Variants in MC1R observed in about 807,000 individuals in gnomAD.
MC1R encodes melanocyte-stimulating hormone receptor.
For missense variants in MC1R, 542 were observed against 430.0 expected, an observed-to-expected ratio of 1.26 and a Z score of -2.30; for synonymous variants, 263 against 203.8, an observed-to-expected ratio of 1.29 and a Z score of -2.47.
chr16:89,920,217 G>A lies in MC1R; in HGVS notation c.*5G>A, dbSNP rs1392191111. ...GTGCTGACATGCTCCTGGTGAGCGC[G>A]GTGCACGCGGCTTTAAGTGTGCTGG... is the stretch of plus-strand genomic sequence containing the variant. On this transcript the variant is annotated 3_prime_UTR_variant, in exon 1 of 1. Coordinates refer to ENST00000555147, the MANE Select transcript of MC1R (RefSeq NM_002386.4). The A allele has an allele frequency of 5.6e-6, 9 of 1,608,994 alleles. No individual in the cohort carries two copies. The highest frequency in any genetic ancestry group is 4.0e-5 in the African/African-American group (3 of 74,766).
Position 89,920,454 on chromosome 16 carries a change from A to G in MC1R, c.*242A>G, listed in dbSNP as rs1332535147. 1.1e-5 allele frequency: 7 copies of G among 618,046 alleles called. No individual in the cohort carries two copies. The highest frequency in any genetic ancestry group is 1.8e-5 in the Non-Finnish European group (6 of 340,394). 38.3% of individuals were successfully genotyped at this position (618,046 alleles called of 1,614,324 possible). On this transcript the variant is annotated 3_prime_UTR_variant, in exon 1 of 1. Transcript: ENST00000555147. ...GTGGGGAACGGAGGAGGACATGGGGAGGTTGTGGGGCCTCAGGCTCCGGGC... is the reference window on the plus strand; with the variant it reads ...GTGGGGAACGGAGGAGGACATGGGGGGGTTGTGGGGCCTCAGGCTCCGGGC...
Position 89,919,115 on chromosome 16 carries a change from G to A in MC1R, c.-144G>A. ...GGGAGAGGGTGTGAGGGCAGATCTG[G>A]GGGTGCCCAGATGGAAGGAGGCAGG... On this transcript the variant is annotated 5_prime_UTR_variant, in exon 1 of 1. Coordinates refer to ENST00000555147, the MANE Select transcript of MC1R (RefSeq NM_002386.4). 1 of 631,234 alleles carries A rather than the reference G, an allele frequency of 1.6e-6. No homozygotes were observed. The highest frequency in any genetic ancestry group is 2.0e-5 in the South Asian group (1 of 49,982). 39.1% of individuals were successfully genotyped at this position (631,234 alleles called of 1,614,324 possible). A position where few individuals can be genotyped will look rare whatever the true frequency, so the allele number is the denominator to read the frequency against.
In MC1R at chr16:89,919,257, C is replaced by T. The variant is rs751851408; in HGVS notation, c.-2C>T. ...ACTCCTTCCTGCTTCCTGGACAGGACTATGGCTGTGCAGGGATCCCAGAGA... is the reference window on the plus strand; with the variant it reads ...ACTCCTTCCTGCTTCCTGGACAGGATTATGGCTGTGCAGGGATCCCAGAGA... On this transcript the variant is annotated 5_prime_UTR_variant, in exon 1 of 1. Coordinates refer to ENST00000555147, the MANE Select transcript of MC1R (RefSeq NM_002386.4). The T allele has an allele frequency of 1.6e-5, 25 of 1,557,050 alleles. No homozygotes were observed. Among genetic ancestry groups the T allele is most frequent in the Non-Finnish European group, 2.1e-5 (24 of 1,149,068 alleles).
At position 89,919,899 on chromosome 16, in the gene MC1R, C is replaced by T. The variant is rs1199965214; in HGVS notation, c.641C>T (p.Ala214Val). 2 of 1,607,290 alleles carry T rather than the reference C, an allele frequency of 1.2e-6. No homozygotes were observed. Among genetic ancestry groups the T allele is most frequent in the African/African-American group, 2.7e-5 (2 of 75,044 alleles). The change falls in exon 1 of 1, where the codon GCC becomes GTC. Residue 214 changes from alanine to valine, a missense_variant. Physicochemically the swap from Ala to Val is moderately conservative, Grantham distance 64. Transcript: ENST00000555147. ...CTGTACGTCCACATGCTGGCCCGGG[C>T]CTGCCAGCACGCCCAGGGCATCGCC... ...AVLYVHMLAR[A>V]CQHAQGIARL... is the part of the protein sequence containing the mutation.
rs1364777539 is a variant in MC1R at position 89,919,349 on chromosome 16, A to G, written c.91A>G (p.Thr31Ala). Reference sequence around the variant, plus strand: ...CCAGCTGGGGCTGGCTGCCAACCAGACAGGAGCCCGGTGCCTGGAGGTGTC... The same window carrying G: ...CCAGCTGGGGCTGGCTGCCAACCAGGCAGGAGCCCGGTGCCTGGAGGTGTC... ...IPQLGLAANQ[T>A]GARCLEVSIS... The change falls in exon 1 of 1, where the codon ACA becomes GCA. Residue 31 changes from threonine to alanine, a missense_variant. Physicochemically the swap from Thr to Ala is moderately conservative, Grantham distance 58. Coordinates refer to ENST00000555147, the MANE Select transcript of MC1R (RefSeq NM_002386.4). 2 of 1,612,980 alleles carry G rather than the reference A, an allele frequency of 1.2e-6. No individual in the cohort carries two copies. Among genetic ancestry groups the G allele is most frequent in the Admixed American group, 3.3e-5 (2 of 59,966 alleles).
In MC1R at chr16:89,919,264, T is replaced by C. The variant is rs922216916; in HGVS notation, c.6T>C (p.Ala2=). 1.9e-6 allele frequency: 3 copies of C among 1,569,072 alleles called. No homozygotes were observed. In the African/African-American group the frequency reaches 4.1e-5, roughly 21 times the overall value. ...CCTGCTTCCTGGACAGGACTATGGC[T>C]GTGCAGGGATCCCAGAGAAGACTTC... is the stretch of plus-strand genomic sequence containing the variant. The part of the protein sequence containing the change: M[A]VQGSQRRLLG... Residue 2 remains alanine, a synonymous_variant, in exon 1 of 1, where the codon GCT becomes GCC. Coordinates refer to ENST00000555147, the MANE Select transcript of MC1R (RefSeq NM_002386.4).
At position 89,919,498 on chromosome 16, in the gene MC1R, G is replaced by T; in HGVS notation, c.240G>T (p.Leu80=). The T allele has an allele frequency of 6.2e-7, 1 of 1,613,226 alleles. No homozygotes were observed. ...CCATGTACTGCTTCATCTGCTGCCT[G>T]GCCTTGTCGGACCTGCTGGTGAGCG... ...HSPMYCFICC[L]ALSDLLVSGS... is the part of the protein sequence containing the mutation. The change falls in exon 1 of 1, where the codon CTG becomes CTT. Residue 80 remains leucine (L), a synonymous_variant. Coordinates refer to ENST00000555147, the MANE Select transcript of MC1R (RefSeq NM_002386.4).
rs1207389699 is a variant in MC1R, at chr16:89,919,613, G to A, written c.355G>A (p.Val119Ile). 6.2e-7 allele frequency: 1 copy of A among 1,608,208 alleles called. No individual in the cohort carries two copies. Among genetic ancestry groups the A allele is most frequent in the Non-Finnish European group, 8.5e-7 (1 of 1,179,804 alleles). ...TGCGGTGCTGCAGCAGCTGGACAAT[G>A]TCATTGACGTGATCACCTGCAGCTC... ...RAAVLQQLDN[V>I]IDVITCSSML... The change falls in exon 1 of 1, where the codon GTC becomes ATC. Residue 119 changes from valine (V) to isoleucine (I), a missense_variant. By Grantham distance (29) the Val-to-Ile change is conservative. Transcript: ENST00000555147.
rs926324042 is a variant in MC1R at position 89,920,354 on chromosome 16, T to C, written c.*142T>C. The C allele has an allele frequency of 1.3e-6, 1 of 742,668 alleles. No individual in the cohort carries two copies. The highest frequency in any genetic ancestry group is 2.6e-5 in the Admixed American group (1 of 38,372). 46.0% of individuals were successfully genotyped at this position (742,668 alleles called of 1,614,324 possible). ...GGATGGACTAAATGATCTCTGAAAG[T>C]GTTGAAGCGCGGACCCTTCTGGGTC... On this transcript the variant is annotated 3_prime_UTR_variant, in exon 1 of 1. Transcript: ENST00000555147.
Position 89,920,164 on chromosome 16 carries a change from C to A in MC1R, c.906C>A (p.Ser302Arg). The stretch of plus-strand genomic sequence containing the variant: ...ACCCCCTCATCTACGCCTTCCACAG[C>A]CAGGAGCTCCGCAGGACGCTCAAGG... The part of the protein sequence containing the change: ...IIDPLIYAFH[S>R]QELRRTLKEV... The change falls in exon 1 of 1, where the codon AGC (serine) becomes AGA (arginine). Residue 302 changes from serine (S) to arginine (R), a missense_variant. Transcript: ENST00000555147. The A allele has an allele frequency of 6.2e-7, 1 of 1,614,034 alleles. No homozygotes were observed. Among genetic ancestry groups the A allele is most frequent in the East Asian group, 2.2e-5 (1 of 44,888 alleles).
Position 89,919,310 on chromosome 16 carries a change from C to T in MC1R, c.52C>T (p.Pro18Ser), listed in dbSNP as rs776654211. ...RRLLGSLNST[P>S]TAIPQLGLAA... ...ACTTCTGGGCTCCCTCAACTCCACC[C>T]CCACAGCCATCCCCCAGCTGGGGCT... Residue 18 changes from proline to serine, a missense_variant, in exon 1 of 1, where the codon CCC (proline) becomes TCC (serine). Transcript: ENST00000555147. 1 of 1,610,460 alleles carries T rather than the reference C, an allele frequency of 6.2e-7. No individual in the cohort carries two copies. Among genetic ancestry groups the T allele is most frequent in the African/African-American group, 1.3e-5 (1 of 74,888 alleles).
chr16:89,919,221 G>T lies in MC1R; in HGVS notation c.-38G>T, dbSNP rs2045687576. 2.2e-6 allele frequency: 3 copies of T among 1,392,576 alleles called. No individual in the cohort carries two copies. The highest frequency in any genetic ancestry group is 2.9e-6 in the Non-Finnish European group (3 of 1,025,730). 86.3% of individuals were successfully genotyped at this position (1,392,576 alleles called of 1,614,324 possible). ...AGGGGAAGAACTGTGGGGACCTGGAGGCCTCCAACGACTCCTTCCTGCTTC... is the reference window on the plus strand; with the variant it reads ...AGGGGAAGAACTGTGGGGACCTGGATGCCTCCAACGACTCCTTCCTGCTTC... On this transcript the variant is annotated 5_prime_UTR_variant, in exon 1 of 1. In the 5' UTR this introduces an upstream ATG that the reference lacks. Coordinates refer to ENST00000555147, the MANE Select transcript of MC1R (RefSeq NM_002386.4).
In MC1R at chr16:89,919,087, C is replaced by A. The variant is rs1286859854; in HGVS notation, c.-172C>A. ...GCCATGCCTGGGCTGACCTGTCCAG[C>A]CAGGGAGAGGGTGTGAGGGCAGATC... On this transcript the variant is annotated 5_prime_UTR_variant, in exon 1 of 1. Coordinates refer to ENST00000555147, the MANE Select transcript of MC1R (RefSeq NM_002386.4). 4 of 598,392 alleles carry A rather than the reference C, an allele frequency of 6.7e-6. No homozygotes were observed. The Admixed American group carries it at 8.9e-5, about 13-fold the overall frequency. 37.1% of individuals were successfully genotyped at this position (598,392 alleles called of 1,614,324 possible). A position where few individuals can be genotyped will look rare whatever the true frequency, so the allele number is the denominator to read the frequency against.
chr16:89,919,772 A>G lies in MC1R; in HGVS notation c.514A>G (p.Ser172Gly). Residue 172 changes from serine (S) to glycine (G), a missense_variant, in exon 1 of 1, where the codon AGT (serine) becomes GGT (glycine). Transcript: ENST00000555147. ...RRAVAAIWVA[S>G]VVFSTLFIAY... is the part of the protein sequence containing the mutation. ...AGCCGTTGCGGCCATCTGGGTGGCC[A>G]GTGTCGTCTTCAGCACGCTCTTCAT... The G allele has an allele frequency of 6.2e-7, 1 of 1,608,668 alleles. No individual in the cohort carries two copies. The highest frequency in any genetic ancestry group is 1.1e-5 in the South Asian group (1 of 91,086).
rs367985661 is a variant in MC1R, at chr16:89,919,750, C to T, written c.492C>T (p.Ala164=). The part of the protein sequence containing the change: ...SIVTLPRARR[A]VAAIWVASVV... Reference sequence around the variant, plus strand: ...TGACCCTGCCGCGGGCGCGGCGAGCCGTTGCGGCCATCTGGGTGGCCAGTG... The same window carrying T: ...TGACCCTGCCGCGGGCGCGGCGAGCTGTTGCGGCCATCTGGGTGGCCAGTG... The change falls in exon 1 of 1, where the codon GCC becomes GCT. Residue 164 remains alanine, a synonymous_variant. Transcript: ENST00000555147. 402 of 1,608,116 alleles carry T rather than the reference C, an allele frequency of 2.5e-4. No homozygotes were observed. The highest frequency in any genetic ancestry group is 3.0e-4 in the Non-Finnish European group (350 of 1,179,832).
Position 89,920,745 on chromosome 16 carries a change from C to G in MC1R, c.*533C>G, listed in dbSNP as rs1246043804. On this transcript the variant is annotated 3_prime_UTR_variant, in exon 1 of 1. Coordinates refer to ENST00000555147, the MANE Select transcript of MC1R (RefSeq NM_002386.4). Reference sequence around the variant, plus strand: ...CGGCTCCTGCAAAAGGAGGTGAAATCCCTGCCTCAGGCCAAGGGACCAGGT... The same window carrying G: ...CGGCTCCTGCAAAAGGAGGTGAAATGCCTGCCTCAGGCCAAGGGACCAGGT... 1 of 714,336 alleles carries G rather than the reference C, an allele frequency of 1.4e-6. No individual in the cohort carries two copies. The highest frequency in any genetic ancestry group is 1.7e-5 in the African/African-American group (1 of 57,174). The allele number at this position is 714,336 out of a possible 1,614,324, so 44.2% of individuals were successfully genotyped here.
At position 89,919,427 on chromosome 16, in the gene MC1R, G is replaced by A. The variant is rs201632257; in HGVS notation, c.169G>A (p.Ala57Thr). The A allele has an allele frequency of 1.1e-5, 17 of 1,613,242 alleles. No homozygotes were observed. The highest frequency in any genetic ancestry group is 6.6e-5 in the South Asian group (6 of 91,086). Residue 57 changes from alanine to threonine, a missense_variant, in exon 1 of 1, where the codon GCG becomes ACG. By Grantham distance (58) the Ala-to-Thr change is moderately conservative. Transcript: ENST00000555147. Reference sequence around the variant, plus strand: ...GGGGCTGGTGAGCTTGGTGGAGAACGCGCTGGTGGTGGCCACCATCGCCAA... The same window carrying A: ...GGGGCTGGTGAGCTTGGTGGAGAACACGCTGGTGGTGGCCACCATCGCCAA... ...SLGLVSLVEN[A>T]LVVATIAKNR...
chr16:89,920,700 C>T lies in MC1R; in HGVS notation c.*488C>T. 1.4e-6 allele frequency: 1 copy of T among 717,148 alleles called. No individual in the cohort carries two copies. Among genetic ancestry groups the T allele is most frequent in the Non-Finnish European group, 2.6e-6 (1 of 384,998 alleles). The allele number at this position is 717,148 out of a possible 1,614,324, so 44.4% of individuals were successfully genotyped here. A position where few individuals can be genotyped will look rare whatever the true frequency, so the allele number is the denominator to read the frequency against. On this transcript the variant is annotated 3_prime_UTR_variant, in exon 1 of 1. Coordinates refer to ENST00000555147, the MANE Select transcript of MC1R (RefSeq NM_002386.4). ...GAGAAGGGGCTTTGTGACCAGAAAGCTTCATCCACAGCCTTGCAGCGGCTC... is the reference window on the plus strand; with the variant it reads ...GAGAAGGGGCTTTGTGACCAGAAAGTTTCATCCACAGCCTTGCAGCGGCTC...
At position 89,919,082 on chromosome 16, in the gene MC1R, TCCAG is replaced by T. The variant is rs1048095682; in HGVS notation, c.-172_-169del. 1 of 595,792 alleles carries T rather than the reference TCCAG, an allele frequency of 1.7e-6. No homozygotes were observed. The highest frequency in any genetic ancestry group is 1.9e-5 in the African/African-American group (1 of 53,736). The allele number at this position is 595,792 out of a possible 1,614,324, so 36.9% of individuals were successfully genotyped here. ...GCTGGGCCATGCCTGGGCTGACCTGTCCAGCCAGGGAGAGGGTGTGAGGGCAGAT... is the reference window on the plus strand; with the variant it reads ...GCTGGGCCATGCCTGGGCTGACCTGTCCAGGGAGAGGGTGTGAGGGCAGAT... On this transcript the variant is annotated 5_prime_UTR_variant, in exon 1 of 1. It removes the in-frame stop codon of an upstream open reading frame in the 5' UTR. Transcript: ENST00000555147.
Sources: allele counts gnomAD v4.1 joint callset, GRCh38; gene constraint gnomAD v4.1.1; transcripts MANE v1.5; gene names NCBI Gene and HGNC (gene_info 2026-07-23, HGNC 2026-07-21).